Variants in PRKG1 observed in about 807,000 individuals in gnomAD.
PRKG1 encodes protein kinase cGMP-dependent 1, also known as cGMP-dependent protein kinase 1.
PRKG1 carries 35 observed loss-of-function variants against 88.1 expected under a neutral mutation model. That is an observed-to-expected ratio of 0.40 (90% CI 0.30 to 0.53). PRKG1 has a LOEUF of 0.53. PRKG1 is among the 20% of genes least tolerant of loss of function. The pLI, the probability that PRKG1 is intolerant of heterozygous loss-of-function variation, is 0.59. For synonymous variants in PRKG1, 303 were observed against 292.5 expected (o/e 1.04, Z -0.37); for missense variants, 540 against 839.8 (o/e 0.64, Z 4.41).
At chr10:51,229,057 C>A (rs1838768164) in intron 2 of PRKG1, among the ~76,000 whole-genome samples, 1 of 152,212 alleles carries the variant, frequency 6.6e-6, no homozygotes, top group African/African-American at 2.4e-5. Flanking sequence ...GCATTACCTC[C>A]AGGAATCCTA....
chr10:51,839,172 C>T (rs959465788), intron 4 of PRKG1, among the ~76,000 whole-genome samples: 3 of 152,050 alleles, frequency 2.0e-5, no homozygotes, highest in Non-Finnish European at 4.4e-5. Context: ...GTTGGTTGAG[C>T]AGAGGTTTTC....
intron 3 of PRKG1, among the ~76,000 whole-genome samples, chr10:51,716,784 C>T (rs536985255): frequency 3.0e-4 from 45 of 152,302 alleles, no homozygotes; most frequent in African/African-American, 9.6e-4. Flanking sequence ...CCTCTGCCTG[C>T]TGGGTTCAAG....
intron 2 of PRKG1, among the ~76,000 whole-genome samples, chr10:51,218,062 A>G (rs1363070166): frequency 2.6e-5 from 4 of 152,178 alleles, no homozygotes; most frequent in Non-Finnish European, 5.9e-5. Context: ...TGTAATGTAA[A>G]TGAACTGTGA....
At chr10:51,949,434 G>T (rs1040801612) in intron 5 of PRKG1, among the ~76,000 whole-genome samples, 1 of 151,644 alleles carries the variant, frequency 6.6e-6, no homozygotes, top group South Asian at 2.1e-4. Context: ...GAAACACAGG[G>T]AGACCTCATG....
At chr10:51,870,661 T>A (rs1841133563) in intron 4 of PRKG1, among the ~76,000 whole-genome samples, 1 of 152,174 alleles carries the variant, frequency 6.6e-6, no homozygotes, top group Non-Finnish European at 1.5e-5. Flanking sequence ...GCTGTCAGAT[T>A]CATTTTAATG....
chr10:51,091,823 TA>T (rs1844404826), intron 1 of PRKG1, among the ~76,000 whole-genome samples: 1 of 152,114 alleles, frequency 6.6e-6, no homozygotes, highest in South Asian at 2.1e-4. Flanking sequence ...AGTTCTGAAA[TA>T]TAGGGAATAA....
intron 4 of PRKG1, among the ~76,000 whole-genome samples, chr10:51,883,291 G>T (rs1841482216): frequency 6.6e-6 from 1 of 152,164 alleles, no homozygotes; most frequent in Non-Finnish European, 1.5e-5. Flanking sequence ...ATGGCAGATT[G>T]TGGGGCTCTC....
chr10:52,130,675 C>T (rs914795002), intron 7 of PRKG1, among the ~76,000 whole-genome samples: 6 of 151,990 alleles, frequency 3.9e-5, no homozygotes, highest in African/African-American at 1.2e-4. Flanking sequence ...CTGCCATGAA[C>T]AACTAAGAAA....
At chr10:51,208,152 A>G (rs760854277) in intron 2 of PRKG1, among the ~76,000 whole-genome samples, 1 of 152,234 alleles carries the variant, frequency 6.6e-6, no homozygotes, top group Non-Finnish European at 1.5e-5. Context: ...CTAAAGAAGT[A>G]GAAGGTACAG....
At chr10:51,395,060 A>C (rs547182979) in intron 2 of PRKG1, among the ~76,000 whole-genome samples, 1 of 152,296 alleles carries the variant, frequency 6.6e-6, no homozygotes, top group Non-Finnish European at 1.5e-5. Flanking sequence ...AGGAGTAACT[A>C]TTCTATCTAG....
chr10:52,293,274 A>G (rs1036384605), intron 17 of PRKG1, among the ~76,000 whole-genome samples: 11 of 151,880 alleles, frequency 7.2e-5, no homozygotes, highest in African/African-American at 2.7e-4. Flanking sequence ...AAACAAACAA[A>G]TGGAAGAACA....
rs140691205 is a variant in PRKG1, at chr10:51,918,428, C to T, written c.762+10858C>T. ...ACAGGGATCCATTTTATGCTTTCCA[C>T]GAGACCCGAAACAAAGTGTTTCTAG... On this transcript the variant is annotated intron_variant, in intron 5 of 17. Transcript: ENST00000373980. Among the ~76,000 whole-genome samples, 984 of 151,746 alleles carry T rather than the reference C, an allele frequency of 6.5e-3. 12 individuals carry two copies. Among genetic ancestry groups the T allele is most frequent in the South Asian group, 0.022 (106 of 4,796 alleles).
At chr10:51,964,706 G>A (rs912966950) in intron 5 of PRKG1, among the ~76,000 whole-genome samples, 1 of 152,054 alleles carries the variant, frequency 6.6e-6, no homozygotes, top group African/African-American at 2.4e-5. Context: ...GAGAAAAACT[G>A]AACTGAAAAA....
chr10:52,041,660 G>A (rs985387022), intron 5 of PRKG1, among the ~76,000 whole-genome samples: 18 of 152,014 alleles, frequency 1.2e-4, no homozygotes, highest in African/African-American at 4.3e-4. Flanking sequence ...AGTAGTTATT[G>A]GCCTGTTTAT....
rs79316808 is a variant in PRKG1, at chr10:51,829,301, T to G, written c.698+24611T>G. On this transcript the variant is annotated intron_variant, in intron 4 of 17. Coordinates refer to ENST00000373980, the MANE Select transcript of PRKG1 (RefSeq NM_006258.4). ...ACATTTTGTCACTTCTGTATTTTAT[T>G]CCTCAAAAGTGATTTGATAAGTCAA... is the stretch of plus-strand genomic sequence containing the variant. 1.7e-3 allele frequency among the ~76,000 whole-genome samples: 252 copies of G among 152,274 alleles called. 1 individual carries two copies. Among genetic ancestry groups the G allele is most frequent in the African/African-American group, 5.7e-3 (238 of 41,560 alleles).
chr10:51,949,062 T>C (rs1843124146), intron 5 of PRKG1, among the ~76,000 whole-genome samples: 1 of 152,194 alleles, frequency 6.6e-6, no homozygotes. Flanking sequence ...TCCAACACTT[T>C]AGGTTCAGCA....
chr10:51,535,870 A>G (rs1842137122), intron 3 of PRKG1, among the ~76,000 whole-genome samples: 1 of 151,920 alleles, frequency 6.6e-6, no homozygotes, highest in Non-Finnish European at 1.5e-5. Flanking sequence ...CTACAGTCTC[A>G]TGACACCATG....
intron 1 of PRKG1, among the ~76,000 whole-genome samples, chr10:51,089,620 T>C (rs550908072): frequency 1.1e-4 from 17 of 152,354 alleles, no homozygotes; most frequent in Non-Finnish European, 1.8e-4. Flanking sequence ...TCTAGTCATA[T>C]GCTTATGTGA....
chr10:51,269,143 G>A (rs1245013646), intron 2 of PRKG1, among the ~76,000 whole-genome samples: 2 of 152,000 alleles, frequency 1.3e-5, no homozygotes, highest in South Asian at 2.1e-4. Context: ...TAATTATCAG[G>A]GAAATGCAAA....
Sources: allele counts gnomAD v4.1 joint callset (sites outside exome capture counted in the v4.1 genomes callset), GRCh38; gene constraint gnomAD v4.1.1; transcripts MANE v1.5; gene names NCBI Gene and HGNC (gene_info 2026-07-23, HGNC 2026-07-21).